Variants in MYL2 observed in about 807,000 individuals in gnomAD.
MYL2 encodes myosin regulatory light chain 2, ventricular/cardiac muscle isoform.
Under a neutral mutation model 23.0 loss-of-function variants are expected in MYL2, and 19 were observed. That is an observed-to-expected ratio of 0.83 (90% CI 0.58 to 1.21). MYL2 has a LOEUF of 1.21. Ranked by LOEUF, MYL2 falls within the 50% of genes most tolerant of loss-of-function variation. The pLI is 0.00. For synonymous variants in MYL2, 78 were observed against 76.2 expected (o/e 1.02, Z -0.13); for missense variants, 180 against 215.1 (o/e 0.84, Z 1.02).
chr12:110,915,540 T>G (rs1302859903), intron 3 of MYL2, among the ~76,000 whole-genome samples, 175 bp downstream of exon 3: 1 of 152,184 alleles, frequency 6.6e-6, no homozygotes, highest in Non-Finnish European at 1.5e-5. Flanking sequence ...CTGAAGGTAC[T>G]CAAAGACTAA....
At chr12:110,915,823 G>A (rs776103611) in intron 2 of MYL2, 33 bp from the exon 3 acceptor site, 1 of 1,594,110 alleles carries the variant, frequency 6.3e-7, no homozygotes, top group Non-Finnish European at 8.6e-7. Context: ...AGCTCAGCCT[G>A]GGAGAAACTG....
At chr12:110,911,547 CCTTGCCCTTCCCTGTTCTTCCTTT>C (rs1426940690) in intron 6 of MYL2, among the ~76,000 whole-genome samples, 7 of 152,284 alleles carry the variant, frequency 4.6e-5, no homozygotes, top group Admixed American at 1.3e-4. Context: ...ACTTTTCCTT[CCTTGCCCTTCCCTGTTCTTCCTTT>C]CTTGCCCTTC....
upstream of MYL2, among the ~76,000 whole-genome samples, chr12:110,921,326 A>C (rs1463711718): frequency 6.6e-6 from 1 of 152,074 alleles, no homozygotes; most frequent in Non-Finnish European, 1.5e-5. Flanking sequence ...ACACCACTGC[A>C]CTCCAGCCTG....
Position 110,913,240 on chromosome 12 carries a change from A to T in MYL2, c.353+6T>A, listed in dbSNP as rs372824804. On this transcript the variant is annotated splice_donor_region_variant and intron_variant, in intron 5 of 6. Coordinates refer to ENST00000228841, the MANE Select transcript of MYL2 (RefSeq NM_000432.4). ...ACCCCCTTCCTCCCCCACAGACCCCACTCACTAATCAGCCTTCAGCACCCC... is the reference window on the plus strand; with the variant it reads ...ACCCCCTTCCTCCCCCACAGACCCCTCTCACTAATCAGCCTTCAGCACCCC... 48 of 1,614,170 alleles carry T rather than the reference A, an allele frequency of 3.0e-5. No homozygotes were observed. The highest frequency in any genetic ancestry group is 3.9e-5 in the Non-Finnish European group (46 of 1,180,012).
chr12:110,918,733 C>A lies in MYL2; in HGVS notation c.93+371G>T. 1 of 191,376 alleles carries A rather than the reference C, an allele frequency of 5.2e-6. No individual in the cohort carries two copies. Among genetic ancestry groups the A allele is most frequent in the Non-Finnish European group, 1.1e-5 (1 of 92,006 alleles). 11.9% of individuals were successfully genotyped at this position (191,376 alleles called of 1,614,324 possible). On this transcript the variant is annotated intron_variant, in intron 2 of 6. Coordinates refer to ENST00000228841, the MANE Select transcript of MYL2 (RefSeq NM_000432.4). The surrounding 1 kb of genome is among the most constrained non-coding windows in gnomAD (Gnocchi z 4.4). ...AAAATGCAGGTGTAATCAGTGGGCA[C>A]AGAAGATTATAATTTTGTTTAATAA...
intron 6 of MYL2, among the ~76,000 whole-genome samples, chr12:110,912,514 C>T (rs2071660369): frequency 6.6e-6 from 1 of 152,234 alleles, no homozygotes; most frequent in Non-Finnish European, 1.5e-5. Flanking sequence ...TGCAGTCACG[C>T]AGACCTAGGT....
intron 3 of MYL2, among the ~76,000 whole-genome samples, chr12:110,915,439 CT>C (rs1487103760): frequency 1.3e-5 from 2 of 152,162 alleles, no homozygotes; most frequent in South Asian, 4.1e-4. Context: ...CTCCTTTATA[CT>C]TTTCTGCATT....
At chr12:110,916,496 A>G (rs2071688548) in intron 2 of MYL2, among the ~76,000 whole-genome samples, 2 of 152,250 alleles carry the variant, frequency 1.3e-5, no homozygotes, top group African/African-American at 4.8e-5. Context: ...AGCCATAAAA[A>G]GGAGGGAAAT....
chr12:110,911,175 C>A lies in MYL2; in HGVS notation c.403G>T (p.Val135Phe), dbSNP rs770211004. 2.5e-6 allele frequency: 4 copies of A among 1,612,194 alleles called. No individual in the cohort carries two copies. In the South Asian group the frequency reaches 4.4e-5, roughly 18 times the overall value. ...GGGAAGGCGGCGAACATCTGGTCAACCTGCAATGAGCCAGCAACACGTGCT... is the reference window on the plus strand; with the variant it reads ...GGGAAGGCGGCGAACATCTGGTCAAACTGCAATGAGCCAGCAACACGTGCT... Reference protein sequence around the residue: ...TQAERFSKEEVDQMFAAFPPD... With the variant: ...TQAERFSKEEFDQMFAAFPPD... The change falls in exon 7 of 7, where the codon GTT (valine) becomes TTT (phenylalanine). Residue 135 changes from valine to phenylalanine, a missense_variant and splice_region_variant. Coordinates refer to ENST00000228841, the MANE Select transcript of MYL2 (RefSeq NM_000432.4).
At position 110,914,699 on chromosome 12, in the gene MYL2, T is replaced by C. The variant is rs139009294; in HGVS notation, c.170-409A>G. ...ATGCCTGGCTAATTTTTGTAGTTTTTTGGACAGACAGGGTTTTGCCATGTT... is the reference window on the plus strand; with the variant it reads ...ATGCCTGGCTAATTTTTGTAGTTTTCTGGACAGACAGGGTTTTGCCATGTT... On this transcript the variant is annotated intron_variant, in intron 3 of 6. Transcript: ENST00000228841. Among the ~76,000 whole-genome samples the C allele has an allele frequency of 1.1e-3, 170 of 152,208 alleles. 1 individual carries two copies. The highest frequency in any genetic ancestry group is 5.4e-3 in the South Asian group (26 of 4,820).
At chr12:110,913,198 CAG>C (rs1491201843) in intron 5 of MYL2, 46 bp downstream of exon 5, 32 of 1,609,454 alleles carry the variant, frequency 2.0e-5, no homozygotes, top group Admixed American at 3.4e-5. Flanking sequence ...GTAGGGGGGA[CAG>C]GGGGCAAGCA....
Position 110,914,266 on chromosome 12 carries a change from T to C in MYL2, c.194A>G (p.Glu65Gly). Reference protein sequence around the residue: ...ALGRVNVKNEEIDEMIKEAPG... With the variant: ...ALGRVNVKNEGIDEMIKEAPG... ...AGCCTCCTTGATCATTTCATCAATT[T>C]CTTCATTTTTCACGTTCACTCGCCC... Residue 65 changes from glutamate (E) to glycine (G), a missense_variant, in exon 4 of 7, where the codon GAA becomes GGA. Coordinates refer to ENST00000228841, the MANE Select transcript of MYL2 (RefSeq NM_000432.4). The C allele has an allele frequency of 6.2e-7, 1 of 1,613,972 alleles. No individual in the cohort carries two copies. The highest frequency in any genetic ancestry group is 8.5e-7 in the Non-Finnish European group (1 of 1,179,914).
chr12:110,910,988 G>T lies in MYL2; in HGVS notation c.*89C>A. 8.3e-7 allele frequency: 1 copy of T among 1,202,148 alleles called. No individual in the cohort carries two copies. The allele number at this position is 1,202,148 out of a possible 1,614,324, so 74.5% of individuals were successfully genotyped here. A position where few individuals can be genotyped will look rare whatever the true frequency, so the allele number is the denominator to read the frequency against. ...GGCAGCCACATGGCTAACAGACAAG[G>T]TAGGGACAGAGGCGGTACTCGGGGG... On this transcript the variant is annotated 3_prime_UTR_variant, in exon 7 of 7. Coordinates refer to ENST00000228841, the MANE Select transcript of MYL2 (RefSeq NM_000432.4).
At position 110,913,177 on chromosome 12, in the gene MYL2, G is replaced by A. The variant is rs756189961; in HGVS notation, c.354-33C>T. 3 of 1,614,000 alleles carry A rather than the reference G, an allele frequency of 1.9e-6. No individual in the cohort carries two copies. In the East Asian group the frequency reaches 6.7e-5, roughly 36 times the overall value. On this transcript the variant is annotated intron_variant, in intron 5 of 6. Transcript: ENST00000228841. Reference sequence around the variant, plus strand: ...GAAAGGAAAGCAGGTGTTGGTGTCAGTTGTGTGTGTGTAGGGGGGACAGGG... The same window carrying A: ...GAAAGGAAAGCAGGTGTTGGTGTCAATTGTGTGTGTGTAGGGGGGACAGGG...
chr12:110,911,452 A>C (rs898188674), intron 6 of MYL2, among the ~76,000 whole-genome samples: 2 of 152,210 alleles, frequency 1.3e-5, no homozygotes, highest in African/African-American at 4.8e-5. Context: ...ACCTCTCAGG[A>C]GAGCTGTAGA....
At chr12:110,916,397 G>T (rs2071688073) in intron 2 of MYL2, among the ~76,000 whole-genome samples, 1 of 152,170 alleles carries the variant, frequency 6.6e-6, no homozygotes, top group African/African-American at 2.4e-5. Context: ...ATCGTTCACA[G>T]TAGCCCAAAA....
rs182109599 is a variant in MYL2, at chr12:110,910,849, C to T, written c.*228G>A. On this transcript the variant is annotated 3_prime_UTR_variant, in exon 7 of 7. Transcript: ENST00000228841. ...CAGAGAAATGTCGTGACCAAATACA[C>T]GACCTCCTGTTTATTGGAACATGGC... 81 of 580,992 alleles carry T rather than the reference C, an allele frequency of 1.4e-4. No homozygotes were observed. The highest frequency in any genetic ancestry group is 5.6e-5 in the Admixed American group (2 of 35,468). 36.0% of individuals were successfully genotyped at this position (580,992 alleles called of 1,614,324 possible). A position where few individuals can be genotyped will look rare whatever the true frequency, so the allele number is the denominator to read the frequency against.
rs397516402 is a variant in MYL2 at position 110,919,166 on chromosome 12, C to T, written c.31G>A (p.Gly11Arg). 1.7e-5 allele frequency: 27 copies of T among 1,613,588 alleles called. No homozygotes were observed. The highest frequency in any genetic ancestry group is 3.3e-5 in the South Asian group (3 of 91,042). ...GAGAACACGTTGGAGTTGGCGCCCC[C>T]GGCTCTCTTCTTTGCTTTCTTAGGT... The part of the protein sequence containing the change: MAPKKAKKRA[G>R]GANSNVFSMF... Residue 11 changes from glycine to arginine, a missense_variant, in exon 2 of 7, where the codon GGG becomes AGG. By Grantham distance (125) the Gly-to-Arg change is moderately radical (BLOSUM62 -2). Transcript: ENST00000228841.
Position 110,911,126 on chromosome 12 carries a change from T to C in MYL2, c.452A>G (p.Asp151Gly). Reference protein sequence around the residue: ...AFPPDVTGNLDYKNLVHIITH... With the variant: ...AFPPDVTGNLGYKNLVHIITH... ...GATGATGTGCACCAGGTTCTTGTAG[T>C]CCAAGTTGCCAGTCACGTCAGGGGG... The change falls in exon 7 of 7, where the codon GAC (aspartate) becomes GGC (glycine). Residue 151 changes from aspartate (D) to glycine (G), a missense_variant. Transcript: ENST00000228841. The C allele has an allele frequency of 6.2e-7, 1 of 1,613,202 alleles. No homozygotes were observed. The highest frequency in any genetic ancestry group is 8.5e-7 in the Non-Finnish European group (1 of 1,179,862).
Sources: allele counts gnomAD v4.1 joint callset (sites outside exome capture counted in the v4.1 genomes callset), GRCh38; gene constraint gnomAD v4.1.1; non-coding constraint Gnocchi (gnomAD v3.1); transcripts MANE v1.5; gene names NCBI Gene and HGNC (gene_info 2026-07-23, HGNC 2026-07-21).